Variants in PCDHGA8 observed in about 807,000 individuals in gnomAD.
The protein encoded by PCDHGA8 is protocadherin gamma-A8.
In PCDHGA8, 45 loss-of-function variants were observed where a neutral mutation model predicts 59.2. The observed-to-expected ratio is 0.76, with a 90% CI of 0.60 to 0.98. PCDHGA8 has a LOEUF of 0.98. Among genes scored for constraint, PCDHGA8 ranks in the 50% least tolerant of loss-of-function variants. The probability of loss-of-function intolerance (pLI) is 0.00; values close to 1 mark genes in which losing one functional copy is unlikely to be tolerated. For synonymous variants in PCDHGA8, 531 were observed against 519.0 expected (o/e 1.02, Z -0.32); for missense variants, 1,257 against 1,196.2 (o/e 1.05, Z -0.75).
At chr5:141,504,961 G>A (rs995382728) in intron 2 of PCDHGA8, among the ~76,000 whole-genome samples, 2 of 151,928 alleles carry the variant, frequency 1.3e-5, no homozygotes, top group Non-Finnish European at 2.9e-5. Flanking sequence ...TCAATGCATT[G>A]GACCAGCCTG....
In PCDHGA8 at chr5:141,432,929, C is replaced by T. The variant is rs759937939; in HGVS notation, c.2424+37692C>T. On this transcript the variant is annotated intron_variant, in intron 1 of 3. Coordinates refer to ENST00000398604, the MANE Select transcript of PCDHGA8 (RefSeq NM_032088.2). This position sits in a 1 kb window ranked among gnomAD's most constrained non-coding sequence, Gnocchi z 6.0. ...GCTGCGGCGCTGGCACAAGTCACGCCTGCTGCAGGCTTCAGGAGGCGGCTT... is the reference window on the plus strand; with the variant it reads ...GCTGCGGCGCTGGCACAAGTCACGCTTGCTGCAGGCTTCAGGAGGCGGCTT... The T allele has an allele frequency of 6.2e-7, 1 of 1,614,078 alleles. No individual in the cohort carries two copies. Among genetic ancestry groups the T allele is most frequent in the African/African-American group, 1.3e-5 (1 of 74,948 alleles).
intron 1 of PCDHGA8, among the ~76,000 whole-genome samples, chr5:141,462,798 C>A (rs1458659959): frequency 6.6e-6 from 1 of 152,072 alleles, no homozygotes; most frequent in Non-Finnish European, 1.5e-5. Flanking sequence ...ATTTGCATGT[C>A]TAATAATGTT....
intron 1 of PCDHGA8, chr5:141,441,943 C>CT: frequency 1.2e-5 from 4 of 336,004 alleles, no homozygotes; most frequent in South Asian, 1.1e-4. Flanking sequence ...CTACCACGTG[C>CT]TGCAGGCCAG....
At chr5:141,408,712 T>C in intron 1 of PCDHGA8, 2 of 1,612,332 alleles carry the variant, frequency 1.2e-6, no homozygotes, top group Non-Finnish European at 1.7e-6. Flanking sequence ...TTAAAGATTA[T>C]AAGATAAACT....
chr5:141,474,685 T>G (rs1562045980), intron 1 of PCDHGA8, among the ~76,000 whole-genome samples: 1 of 152,224 alleles, frequency 6.6e-6, no homozygotes, highest in Non-Finnish European at 1.5e-5. Flanking sequence ...GCCTACCCCT[T>G]CACTTATGTT....
At chr5:141,510,626 AGGTG>A (rs2099882005) in intron 3 of PCDHGA8, among the ~76,000 whole-genome samples, 1 of 152,144 alleles carries the variant, frequency 6.6e-6, no homozygotes, top group Admixed American at 6.5e-5. Context: ...AAACCAGAAG[AGGTG>A]GTTACCATTA....
rs756706355 is a variant in PCDHGA8 at position 141,486,950 on chromosome 5, G to C, written c.2425-7857G>C. 6.2e-7 allele frequency: 1 copy of C among 1,614,202 alleles called. No homozygotes were observed. Among genetic ancestry groups the C allele is most frequent in the East Asian group, 2.2e-5 (1 of 44,876 alleles). On this transcript the variant is annotated intron_variant, in intron 1 of 3. Coordinates refer to ENST00000398604, the MANE Select transcript of PCDHGA8 (RefSeq NM_032088.2). The surrounding 1 kb of genome is among the most constrained non-coding windows in gnomAD (Gnocchi z 5.0). ...TGGTGCTGGCCACCTAATCACAAAG[G>C]TGACTGCTGTGGACTTGGATTCAGG...
At chr5:141,508,682 C>G (rs2099870913) in intron 3 of PCDHGA8, among the ~76,000 whole-genome samples, 1 of 152,080 alleles carries the variant, frequency 6.6e-6, no homozygotes, top group Non-Finnish European at 1.5e-5. Context: ...TCCCTTCTCC[C>G]TGCTTCTCCG....
chr5:141,455,759 A>G (rs1013283124), intron 1 of PCDHGA8, among the ~76,000 whole-genome samples: 4 of 152,300 alleles, frequency 2.6e-5, no homozygotes, highest in South Asian at 4.1e-4. Context: ...CCTGGCTCCT[A>G]GAGCCGGGGC....
intron 1 of PCDHGA8, among the ~76,000 whole-genome samples, chr5:141,451,106 G>A (rs1204327490): frequency 1.3e-5 from 2 of 152,164 alleles, no homozygotes; most frequent in African/African-American, 4.8e-5. Context: ...GGGATTACAG[G>A]CGTGAGCCAC....
At chr5:141,395,535 C>T in intron 1 of PCDHGA8, 1 of 331,902 alleles carries the variant, frequency 3.0e-6, no homozygotes, top group Non-Finnish European at 5.4e-6. Flanking sequence ...GGTAATTTTG[C>T]TATTGTTTGT....
chr5:141,499,261 GT>G (rs2099790689), intron 2 of PCDHGA8, among the ~76,000 whole-genome samples: 1 of 152,022 alleles, frequency 6.6e-6, no homozygotes, highest in South Asian at 2.1e-4. Context: ...TCTCCATTTG[GT>G]CCCTAGACTG....
In PCDHGA8 at chr5:141,487,072, T is replaced by C. The variant is rs754589618; in HGVS notation, c.2425-7735T>C. On this transcript the variant is annotated intron_variant, in intron 1 of 3. Coordinates refer to ENST00000398604, the MANE Select transcript of PCDHGA8 (RefSeq NM_032088.2). This position sits in a 1 kb window ranked among gnomAD's most constrained non-coding sequence, Gnocchi z 5.0. ...CTGGGGAGGTGCGGACGGCTGTTCCTATCCCAGCTGACCTCCCACCACAGA... is the reference window on the plus strand; with the variant it reads ...CTGGGGAGGTGCGGACGGCTGTTCCCATCCCAGCTGACCTCCCACCACAGA... 8.1e-6 allele frequency: 13 copies of C among 1,614,010 alleles called. No homozygotes were observed. Among genetic ancestry groups the C allele is most frequent in the Non-Finnish European group, 1.1e-5 (13 of 1,179,966 alleles).
intron 1 of PCDHGA8, among the ~76,000 whole-genome samples, chr5:141,459,691 C>T (rs754899227): frequency 3.9e-5 from 6 of 152,158 alleles, no homozygotes; most frequent in East Asian, 1.9e-4. Flanking sequence ...TAAAGCGTTC[C>T]GCTTGCTACA....
At chr5:141,430,771 G>A (rs772862341) in intron 1 of PCDHGA8, 37 of 1,506,734 alleles carry the variant, frequency 2.5e-5, no homozygotes, top group Non-Finnish European at 2.7e-5. Flanking sequence ...TGATTCCTGC[G>A]CGACTGCACC....
chr5:141,431,092 G>A lies in PCDHGA8; in HGVS notation c.2424+35855G>A. On this transcript the variant is annotated intron_variant, in intron 1 of 3. Coordinates refer to ENST00000398604, the MANE Select transcript of PCDHGA8 (RefSeq NM_032088.2). This position sits in a 1 kb window ranked among gnomAD's most constrained non-coding sequence, Gnocchi z 4.8. ...AATTAAATCTAGACATTCTGATGGAGGATAAAGTGAAAATATATGGAGTAG... is the reference window on the plus strand; with the variant it reads ...AATTAAATCTAGACATTCTGATGGAAGATAAAGTGAAAATATATGGAGTAG... 1 of 1,614,252 alleles carries A rather than the reference G, an allele frequency of 6.2e-7. No individual in the cohort carries two copies. The highest frequency in any genetic ancestry group is 1.1e-5 in the South Asian group (1 of 91,090).
intron 1 of PCDHGA8, among the ~76,000 whole-genome samples, chr5:141,474,651 C>T (rs2099352565): frequency 6.6e-6 from 1 of 152,178 alleles, no homozygotes; most frequent in South Asian, 2.1e-4. Flanking sequence ...ATCCTTACTT[C>T]TTTTCTACCT....
At chr5:141,398,356 G>A (rs1242233046) in intron 1 of PCDHGA8, 2 of 1,409,378 alleles carry the variant, frequency 1.4e-6, no homozygotes, top group South Asian at 1.2e-5. Context: ...TTACTTCACC[G>A]TGAGCGCAGA....
At chr5:141,399,398 G>T (rs1374441258) in intron 1 of PCDHGA8, 4 of 1,613,854 alleles carry the variant, frequency 2.5e-6, no homozygotes, top group Non-Finnish European at 3.4e-6. Flanking sequence ...ACAGACAGGG[G>T]CAAGCCGCCC....
Sources: allele counts gnomAD v4.1 joint callset (sites outside exome capture counted in the v4.1 genomes callset), GRCh38; gene constraint gnomAD v4.1.1; non-coding constraint Gnocchi (gnomAD v3.1); transcripts MANE v1.5; gene names NCBI Gene and HGNC (gene_info 2026-07-23, HGNC 2026-07-21).